Variants in PTPRD observed in about 807,000 individuals in gnomAD.
PTPRD encodes receptor-type tyrosine-protein phosphatase delta.
A neutral mutation model predicts 214.5 loss-of-function variants in PTPRD; 34 were observed. The ratio of observed to expected loss-of-function variants is 0.16; its 90% CI spans 0.12 to 0.21. The LOEUF is 0.21. Ranked by LOEUF, PTPRD falls within the 10% of genes least tolerant of loss-of-function variation. The probability of loss-of-function intolerance (pLI) is 1.00; values close to 1 mark genes in which losing one functional copy is unlikely to be tolerated. For missense variants in PTPRD, 2,545 were observed against 2,398.7 expected, an observed-to-expected ratio of 1.06 and a Z score of -1.27; for synonymous variants, 1,128 against 845.7, an observed-to-expected ratio of 1.33 and a Z score of -5.79.
chr9:10,415,651 G>T (rs61110363), intron 2 of PTPRD, among the ~76,000 whole-genome samples: 1 of 151,778 alleles, frequency 6.6e-6, no homozygotes, highest in Non-Finnish European at 1.5e-5. Flanking sequence ...ATAGAGAGAC[G>T]TGATTTTGCC....
intron 3 of PTPRD, among the ~76,000 whole-genome samples, chr9:10,337,785 C>T (rs1297344184): frequency 1.3e-5 from 2 of 151,616 alleles, no homozygotes; most frequent in African/African-American, 2.4e-5. Context: ...GGCTCAGAAA[C>T]ATTTGAAAAC....
chr9:9,989,199 G>A (rs1392566272), intron 4 of PTPRD, among the ~76,000 whole-genome samples: 1 of 152,000 alleles, frequency 6.6e-6, no homozygotes, highest in African/African-American at 2.4e-5. Flanking sequence ...AGGAATCAGG[G>A]AAATACTGGG....
At chr9:9,764,817 C>T (rs1442619304) in intron 6 of PTPRD, among the ~76,000 whole-genome samples, 3 of 152,130 alleles carry the variant, frequency 2.0e-5, no homozygotes, top group South Asian at 2.1e-4. Flanking sequence ...CACGATCCCC[C>T]CAACTGCCTC....
rs540781033 is a variant in PTPRD at position 8,672,548 on chromosome 9, T to A, written c.65-35704A>T. Among the ~76,000 whole-genome samples, 146 of 152,236 alleles carry A rather than the reference T, an allele frequency of 9.6e-4. 2 individuals are homozygous for A. Among genetic ancestry groups the A allele is most frequent in the South Asian group, 2.3e-3 (11 of 4,822 alleles). ...ACACACATTTAACTCTACCTTCTTA[T>A]AATTACTCATTAATTTGCTATTTCA... On this transcript the variant is annotated intron_variant, in intron 12 of 45. Coordinates refer to ENST00000381196, the MANE Select transcript of PTPRD (RefSeq NM_002839.4).
At chr9:8,983,699 G>T (rs1042930252) in intron 11 of PTPRD, among the ~76,000 whole-genome samples, 1 of 151,332 alleles carries the variant, frequency 6.6e-6, no homozygotes, top group African/African-American at 2.4e-5. Context: ...TTTACTTTTT[G>T]TAGAGACAGG....
At chr9:8,741,309 A>G (rs2091864190) in intron 11 of PTPRD, among the ~76,000 whole-genome samples, 1 of 152,174 alleles carries the variant, frequency 6.6e-6, no homozygotes, top group East Asian at 1.9e-4. Context: ...AAAAGAATCT[A>G]AAATTTCTTT....
At chr9:8,940,096 T>C (rs2099022000) in intron 11 of PTPRD, among the ~76,000 whole-genome samples, 1 of 151,252 alleles carries the variant, frequency 6.6e-6, no homozygotes, top group African/African-American at 2.4e-5. Flanking sequence ...TACATGCTTG[T>C]GAAGGCAAAG....
intron 9 of PTPRD, among the ~76,000 whole-genome samples, chr9:9,234,349 C>A (rs79730469): frequency 0.068 from 10,299 of 152,170 alleles, 397 homozygotes; most frequent in African/African-American, 0.096. Flanking sequence ...AGTGGGCGGG[C>A]CCTGGGCCCA....
chr9:8,996,248 T>C (rs368753606), intron 11 of PTPRD, among the ~76,000 whole-genome samples: 7 of 152,176 alleles, frequency 4.6e-5, no homozygotes, highest in East Asian at 1.9e-4. Flanking sequence ...GATAAGTGAA[T>C]TGTGGTACAT....
intron 4 of PTPRD, among the ~76,000 whole-genome samples, chr9:9,980,373 C>T (rs564495079): frequency 3.3e-5 from 5 of 151,620 alleles, no homozygotes; most frequent in African/African-American, 9.7e-5. Flanking sequence ...ATTGGGAGGC[C>T]GAGGTGGGCG....
intron 10 of PTPRD, among the ~76,000 whole-genome samples, chr9:9,048,303 T>C (rs566687981): frequency 6.6e-6 from 1 of 152,248 alleles, no homozygotes; most frequent in East Asian, 1.9e-4. Context: ...GCTGCTGGGG[T>C]ATATACCCAA....
At chr9:9,743,643 G>C (rs2098426635) in intron 6 of PTPRD, among the ~76,000 whole-genome samples, 2 of 151,002 alleles carry the variant, frequency 1.3e-5, no homozygotes, top group African/African-American at 2.4e-5. Context: ...ACCTTTAACT[G>C]TCATGTTAAG....
At chr9:9,635,234 G>C (rs959095473) in intron 7 of PTPRD, among the ~76,000 whole-genome samples, 1 of 152,102 alleles carries the variant, frequency 6.6e-6, no homozygotes, top group Admixed American at 6.6e-5. Context: ...ATGTCTGAGG[G>C]ATGTATGCTT....
chr9:8,839,193 T>G (rs1359932375), intron 11 of PTPRD, among the ~76,000 whole-genome samples: 1 of 152,130 alleles, frequency 6.6e-6, no homozygotes, highest in African/African-American at 2.4e-5. Flanking sequence ...AGGGAAAAAT[T>G]ATCACTTCAG....
chr9:10,075,206 T>C (rs2098114014), intron 3 of PTPRD, among the ~76,000 whole-genome samples: 2 of 152,068 alleles, frequency 1.3e-5, no homozygotes, highest in Admixed American at 1.3e-4. Context: ...ACATTCATTT[T>C]TATTACTGAA....
At chr9:10,457,702 G>A (rs1265234939) in intron 2 of PTPRD, among the ~76,000 whole-genome samples, 2 of 151,974 alleles carry the variant, frequency 1.3e-5, no homozygotes, top group Non-Finnish European at 2.9e-5. Context: ...ATTCCCACCA[G>A]CAAGGTATGA....
intron 8 of PTPRD, among the ~76,000 whole-genome samples, chr9:9,470,674 G>C (rs2094525307): frequency 6.6e-6 from 1 of 152,108 alleles, no homozygotes; most frequent in Admixed American, 6.5e-5. Flanking sequence ...TTCAAGTGAA[G>C]AAATCTACAT....
At chr9:10,133,066 G>A (rs1270502605) in intron 3 of PTPRD, among the ~76,000 whole-genome samples, 2 of 152,168 alleles carry the variant, frequency 1.3e-5, no homozygotes, top group Non-Finnish European at 2.9e-5. Flanking sequence ...AGTCCATGTA[G>A]ATATAGAGGC....
chr9:9,859,607 C>G (rs2062266039), intron 5 of PTPRD, among the ~76,000 whole-genome samples: 1 of 152,212 alleles, frequency 6.6e-6, no homozygotes, highest in Non-Finnish European at 1.5e-5. Flanking sequence ...TATAAATATT[C>G]TAGCTCATAG....
Sources: gnomAD v4.1 joint callset for allele counts (sites outside exome capture counted in the v4.1 genomes callset) on GRCh38, gnomAD v4.1.1 for gene constraint, MANE v1.5 for transcripts, NCBI Gene and HGNC (gene_info 2026-07-23, HGNC 2026-07-21) for gene names.